TG: variants seen among roughly 807,000 people sequenced by gnomAD.
TG encodes the protein thyroid hormones.
A neutral mutation model predicts 324.7 loss-of-function variants in TG; 270 were observed. That is an observed-to-expected ratio of 0.83 (90% CI 0.75 to 0.92). TG has a LOEUF of 0.92. Among genes scored for constraint, TG ranks in the 40% least tolerant of loss-of-function variants. TG has a pLI of 0.00. For missense variants in TG, 3,591 were observed against 3,456.4 expected (o/e 1.04, Z -0.98); for synonymous variants, 1,401 against 1,327.0 (o/e 1.06, Z -1.21).
chr8:133,111,244 A>G (rs568848624), intron 43 of TG, among the ~76,000 whole-genome samples: 46 of 152,304 alleles, frequency 3.0e-4, no homozygotes, highest in African/African-American at 1.1e-3. Context: ...ACCAGCAGTA[A>G]GACCTGGGGT....
At position 132,888,071 on chromosome 8, in the gene TG, T is replaced by C; in HGVS notation, c.2264T>C (p.Leu755Pro). 1 of 1,614,128 alleles carries C rather than the reference T, an allele frequency of 6.2e-7. No individual in the cohort carries two copies. Among genetic ancestry groups the C allele is most frequent in the Non-Finnish European group, 8.5e-7 (1 of 1,180,006 alleles). Residue 755 changes from leucine (L) to proline (P), a missense_variant, in exon 10 of 48, where the codon CTT becomes CCT. By Grantham distance (98) the Leu-to-Pro change is moderately conservative. Transcript: ENST00000220616. ...LLSNSSMLPT[L>P]SDTYIPQCST... is the part of the protein sequence containing the mutation. ...TCTAACTCCAGCATGCTACCCACCCTTTCCGACACCTACATCCCACAGTGC... is the reference window on the plus strand; with the variant it reads ...TCTAACTCCAGCATGCTACCCACCCCTTCCGACACCTACATCCCACAGTGC...
At chr8:132,908,062 A>G in intron 17 of TG, 124 bp from the exon 18 acceptor site, 1 of 1,103,702 alleles carries the variant, frequency 9.1e-7, no homozygotes, top group East Asian at 2.5e-5. Flanking sequence ...TGACAATGCA[A>G]AATGGCAGTG....
rs137963549 is a variant in TG, at chr8:133,111,432, AG to A, written c.7573-1986del. On this transcript the variant is annotated intron_variant, in intron 43 of 47. Coordinates refer to ENST00000220616, the MANE Select transcript of TG (RefSeq NM_003235.5). ...TAGCACAAAATTTAGAAATAGTAAG[AG>A]GGGTGCCAGTGGGTTACTAATATCA... Among the ~76,000 whole-genome samples, 1,223 of 152,318 alleles carry A rather than the reference AG, an allele frequency of 8.0e-3. 17 individuals carry two copies. Among genetic ancestry groups the A allele is most frequent in the African/African-American group, 0.028 (1,169 of 41,572 alleles).
In TG at chr8:132,869,749, A is replaced by G. The variant is rs1186537684; in HGVS notation, c.197A>G (p.Asp66Gly). The change falls in exon 3 of 48, where the codon GAC (aspartate) becomes GGC (glycine). Residue 66 changes from aspartate (D) to glycine (G), a missense_variant. Coordinates refer to ENST00000220616, the MANE Select transcript of TG (RefSeq NM_003235.5). ...GSFQTVQCQN[D>G]GRSCWCVGAN... ...CTCAGGACTGTCCAGTGCCAGAACG[A>G]CGGCCGCTCCTGCTGGTGTGTGGGT... 2 of 1,614,078 alleles carry G rather than the reference A, an allele frequency of 1.2e-6. No individual in the cohort carries two copies. The highest frequency in any genetic ancestry group is 1.7e-6 in the Non-Finnish European group (2 of 1,180,038).
At chr8:133,047,715 G>C in intron 41 of TG, 1 of 735,608 alleles carries the variant, frequency 1.4e-6, no homozygotes, top group Non-Finnish European at 2.5e-6. Context: ...TAACTACATT[G>C]GATCAATTTG....
Position 133,017,875 on chromosome 8 carries a change from C to T in TG, c.6660C>T (p.Thr2220=). The change falls in exon 38 of 48, where the codon ACC becomes ACT. Residue 2220 remains threonine (T), a synonymous_variant. Coordinates refer to ENST00000220616, the MANE Select transcript of TG (RefSeq NM_003235.5). ...GGTCCCAGGCCATCCAGGTGGGTAC[C>T]TCATGGAAGCAAGTGGACCAGTTCC... The part of the protein sequence containing the change: ...LGRSQAIQVG[T]SWKQVDQFLG... 1.2e-6 allele frequency: 2 copies of T among 1,614,194 alleles called. No homozygotes were observed. The highest frequency in any genetic ancestry group is 1.3e-5 in the African/African-American group (1 of 75,054).
intron 41 of TG, among the ~76,000 whole-genome samples, chr8:133,058,149 C>T (rs961238339): frequency 3.9e-5 from 6 of 152,318 alleles, no homozygotes; most frequent in Middle Eastern, 3.4e-3. Context: ...CTACTTAACA[C>T]GGCATCACTG....
chr8:133,001,199 G>A (rs777064630), intron 35 of TG, among the ~76,000 whole-genome samples: 10 of 150,586 alleles, frequency 6.6e-5, no homozygotes, highest in Non-Finnish European at 8.9e-5. Context: ...GGACCTACGG[G>A]TTAGGACTGC....
intron 39 of TG, among the ~76,000 whole-genome samples, chr8:133,019,914 G>A (rs554896594): frequency 2.6e-5 from 4 of 152,314 alleles, no homozygotes; most frequent in South Asian, 2.1e-4. Context: ...GACCATGGGC[G>A]TGTGCTTTTT....
intron 45 of TG, 90 bp downstream of exon 45, chr8:133,116,806 T>A: frequency 9.8e-7 from 1 of 1,020,030 alleles, no homozygotes; most frequent in Non-Finnish European, 1.5e-6. Flanking sequence ...TTAACCCCTC[T>A]AAGCCTCAGT....
At chr8:133,066,190 G>C (rs924481928) in intron 41 of TG, among the ~76,000 whole-genome samples, 2 of 152,036 alleles carry the variant, frequency 1.3e-5, no homozygotes, top group Non-Finnish European at 2.9e-5. Context: ...GCCGGGCGTG[G>C]TGGCAGGCAC....
At chr8:133,021,728 A>G (rs1835581933) in intron 39 of TG, among the ~76,000 whole-genome samples, 1 of 152,120 alleles carries the variant, frequency 6.6e-6, no homozygotes, top group African/African-American at 2.4e-5. Context: ...CCCTCTTCTT[A>G]TAAGGACACC....
intron 43 of TG, among the ~76,000 whole-genome samples, chr8:133,103,598 T>C (rs1314595005): frequency 6.6e-6 from 1 of 152,222 alleles, no homozygotes; most frequent in Non-Finnish European, 1.5e-5. Context: ...TCATTATTAT[T>C]ATATTTTTTC....
chr8:132,971,328 G>A (rs1006528598), intron 32 of TG, among the ~76,000 whole-genome samples: 3 of 152,268 alleles, frequency 2.0e-5, no homozygotes, highest in South Asian at 2.1e-4. Context: ...GCACAGGCTC[G>A]GCTCTGGCTG....
chr8:133,014,664 C>G (rs1164321184), intron 37 of TG, among the ~76,000 whole-genome samples: 1 of 152,202 alleles, frequency 6.6e-6, no homozygotes, highest in African/African-American at 2.4e-5. Flanking sequence ...CAAGTAGCAG[C>G]AGATTTGGCC....
At chr8:133,121,103 T>C (rs1851109062) in intron 45 of TG, among the ~76,000 whole-genome samples, 1 of 152,212 alleles carries the variant, frequency 6.6e-6, no homozygotes, top group African/African-American at 2.4e-5. Flanking sequence ...TCCGTGGCTC[T>C]CTGCACCTCA....
chr8:132,974,636 G>A (rs1302637293), intron 34 of TG, among the ~76,000 whole-genome samples: 1 of 152,192 alleles, frequency 6.6e-6, no homozygotes, highest in Admixed American at 6.5e-5. Flanking sequence ...ACAGGAAAAT[G>A]TCTAGATACC....
chr8:133,133,757 C>A, intron 47 of TG, 97 bp downstream of exon 47: 1 of 1,391,446 alleles, frequency 7.2e-7, no homozygotes, highest in Non-Finnish European at 1.0e-6. Context: ...GCATTGGAGC[C>A]AAGGGGTCAC....
At chr8:132,995,330 A>G (rs1218136826) in intron 35 of TG, 3 of 985,170 alleles carry the variant, frequency 3.0e-6, no homozygotes, top group Non-Finnish European at 3.6e-6. Flanking sequence ...TGGAATGAGC[A>G]GCAGCTGCTC....
Sources: gnomAD v4.1 joint callset for allele counts (sites outside exome capture counted in the v4.1 genomes callset) on GRCh38, gnomAD v4.1.1 for gene constraint, MANE v1.5 for transcripts, NCBI Gene and HGNC (gene_info 2026-07-23, HGNC 2026-07-21) for gene names.